SBF1: variants seen among roughly 807,000 people sequenced by gnomAD.
The protein encoded by SBF1 is SET binding factor 1, also known as myotubularin-related protein 5.
A neutral mutation model predicts 215.8 loss-of-function variants in SBF1; 65 were observed. The observed-to-expected ratio is 0.30, with a 90% confidence interval of 0.25 to 0.37. SBF1 has a LOEUF of 0.37. Ranked by LOEUF, SBF1 falls within the 10% of genes least tolerant of loss-of-function variation. The pLI, the probability that SBF1 is intolerant of heterozygous loss-of-function variation, is 1.00. For missense variants in SBF1, 2,634 were observed against 2,667.8 expected (o/e 0.99, Z 0.28); for synonymous variants, 1,410 against 1,122.8 (o/e 1.26, Z -5.11).
rs754111011 is a variant in SBF1, at chr22:50,459,992, G to C, written c.3451C>G (p.Arg1151Gly). The change falls in exon 26 of 41, where the codon CGC becomes GGC. Residue 1151 changes from arginine to glycine, a missense_variant. Coordinates refer to ENST00000380817, the MANE Select transcript of SBF1 (RefSeq NM_002972.4). ...SLSRAKSEPF[R>G]ISPVNRMYAI... ...TACATGCGGTTGACCGGAGAAATGC[G>C]GAAGGGCTCAGACTTGGCCCGGCTC... is the stretch of plus-strand genomic sequence containing the variant. The C allele has an allele frequency of 1.3e-5, 21 of 1,613,962 alleles. No individual in the cohort carries two copies. Among genetic ancestry groups the C allele is most frequent in the Non-Finnish European group, 1.8e-5 (21 of 1,179,966 alleles).
intron 23 of SBF1, 140 bp downstream of exon 23, chr22:50,461,017 CAG>C: frequency 8.7e-7 from 1 of 1,151,432 alleles, no homozygotes; most frequent in Non-Finnish European, 1.2e-6. Flanking sequence ...TCAAGAGCCA[CAG>C]TGAGGGCCCC....
chr22:50,455,083 G>A lies in SBF1; in HGVS notation c.4614C>T (p.Gly1538=), dbSNP rs770902093. ...EFSQFYLKFL[G]YHHVSRRFRT... is the part of the protein sequence containing the mutation. ...GGAAACGGCGGGACACATGGTGGTA[G>A]CCGAGGAACTTGAGGTAGAACTGGC... is the stretch of plus-strand genomic sequence containing the variant. The change falls in exon 34 of 41, where the codon GGC becomes GGT. Residue 1538 remains glycine (G), a synonymous_variant. Transcript: ENST00000380817. 2.5e-6 allele frequency: 4 copies of A among 1,614,112 alleles called. No individual in the cohort carries two copies. In the South Asian group the frequency reaches 4.4e-5, roughly 18 times the overall value.
chr22:50,453,009 G>A (rs1603430862), intron 36 of SBF1, among the ~76,000 whole-genome samples: 1 of 151,724 alleles, frequency 6.6e-6, no homozygotes, highest in Non-Finnish European at 1.5e-5. Flanking sequence ...AAATCAAAGG[G>A]ACAAAGAGAA....
At chr22:50,474,410 A>G (rs996826668) in intron 1 of SBF1, among the ~76,000 whole-genome samples, 48 of 152,306 alleles carry the variant, frequency 3.2e-4, no homozygotes, top group African/African-American at 1.1e-3. Flanking sequence ...CAGCTGGCCA[A>G]GGAGAGAGCC....
At position 50,462,251 on chromosome 22, in the gene SBF1, C is replaced by T. The variant is rs368432657; in HGVS notation, c.2350G>A (p.Gly784Arg). 188 of 1,609,908 alleles carry T rather than the reference C, an allele frequency of 1.2e-4. No homozygotes were observed. Among genetic ancestry groups the T allele is most frequent in the African/African-American group, 1.7e-4 (13 of 75,066 alleles). The change falls in exon 19 of 41, where the codon GGG (glycine) becomes AGG (arginine). Residue 784 changes from glycine (G) to arginine (R), a missense_variant. Gly to Arg is a moderately radical substitution (Grantham distance 125). Transcript: ENST00000380817. ...SKSRLLRERAGLGDLESASNS... is the reference protein window; with the variant it reads ...SKSRLLRERARLGDLESASNS... ...CTGGCGCTCTCCAGGTCGCCCAGCC[C>T]GGCACGCTCCCGAAGTAGGCGGCTC...
chr22:50,468,104 C>T (rs1245324484), intron 2 of SBF1, among the ~76,000 whole-genome samples, 181 bp from the exon 3 acceptor site: 1 of 152,200 alleles, frequency 6.6e-6, no homozygotes, highest in African/African-American at 2.4e-5. Flanking sequence ...AAGGGAGTAA[C>T]AGCCTCTGAC....
chr22:50,473,105 G>A (rs1285879756), intron 1 of SBF1, among the ~76,000 whole-genome samples: 1 of 151,228 alleles, frequency 6.6e-6, no homozygotes, highest in Admixed American at 6.6e-5. Flanking sequence ...AGCCCACTCT[G>A]CCTCTTCTCT....
chr22:50,451,239 G>A (rs1290439339), intron 36 of SBF1, among the ~76,000 whole-genome samples: 1 of 151,220 alleles, frequency 6.6e-6, no homozygotes, highest in Non-Finnish European at 1.5e-5. Flanking sequence ...AACTCAAGAG[G>A]CTGAATGAAG....
Position 50,474,921 on chromosome 22 carries a change from G to A in SBF1, c.-81C>T, listed in dbSNP as rs2148622731. The A allele has an allele frequency of 6.6e-6, 7 of 1,068,468 alleles. No individual in the cohort carries two copies. The highest frequency in any genetic ancestry group is 4.2e-5 in the East Asian group (1 of 23,736). 66.2% of individuals were successfully genotyped at this position (1,068,468 alleles called of 1,614,324 possible). A position where few individuals can be genotyped will look rare whatever the true frequency, so the allele number is the denominator to read the frequency against. On this transcript the variant is annotated 5_prime_UTR_variant, in exon 1 of 41. Transcript: ENST00000380817. ...TCGAGGACGGCGCGCTCATGGCCCG[G>A]CCCCGGCCCTGGACCGCGCACCCCG...
intron 1 of SBF1, among the ~76,000 whole-genome samples, chr22:50,471,008 C>T (rs1024811522): frequency 6.6e-6 from 1 of 152,172 alleles, no homozygotes; most frequent in African/African-American, 2.4e-5. Context: ...TCCCAGGGTC[C>T]CCCACCCACT....
chr22:50,447,205 G>A lies in SBF1; in HGVS notation c.5619C>T (p.Ala1873=), dbSNP rs1603430165. ...ACTGCTGGGCCGAGGGCACGTCCTG[G>A]GCACAGAAGTTGTAAACGCGACGCG... ...KTTRRVYNFC[A]QDVPSAQQWV... Residue 1873 remains alanine (A), a synonymous_variant, in exon 41 of 41, where the codon GCC becomes GCT. Transcript: ENST00000380817. 1.2e-6 allele frequency: 2 copies of A among 1,613,878 alleles called. No individual in the cohort carries two copies. Among genetic ancestry groups the A allele is most frequent in the East Asian group, 2.2e-5 (1 of 44,876 alleles).
At position 50,456,264 on chromosome 22, in the gene SBF1, G is replaced by A. The variant is rs773823809; in HGVS notation, c.4218C>T (p.Ser1406=). 6.2e-6 allele frequency: 10 copies of A among 1,612,674 alleles called. No individual in the cohort carries two copies. The highest frequency in any genetic ancestry group is 8.5e-6 in the Non-Finnish European group (10 of 1,179,944). The change falls in exon 31 of 41, where the codon AGC becomes AGT. Residue 1406 remains serine (S), a synonymous_variant. Transcript: ENST00000380817. ...CVPGCPAAEP[S]PASFLRSLED... Reference sequence around the variant, plus strand: ...CCAGTGAGCGCAGGAAGGAGGCTGGGCTGGGCTCAGCAGCGGGGCAGCCTG... The same window carrying A: ...CCAGTGAGCGCAGGAAGGAGGCTGGACTGGGCTCAGCAGCGGGGCAGCCTG...
chr22:50,464,950 T>C (rs757540533), intron 12 of SBF1, 33 bp from the exon 13 acceptor site: 1 of 1,613,248 alleles, frequency 6.2e-7, no homozygotes, highest in South Asian at 1.1e-5. Flanking sequence ...AGGTAAGCCA[T>C]GGTCAGGCGG....
In SBF1 at chr22:50,466,340, C is replaced by A. The variant is rs372317099; in HGVS notation, c.788+10G>T. 2 of 1,582,892 alleles carry A rather than the reference C, an allele frequency of 1.3e-6. No individual in the cohort carries two copies. Among genetic ancestry groups the A allele is most frequent in the Non-Finnish European group, 1.7e-6 (2 of 1,164,432 alleles). ...AGGAGAAGGGGCTGGGAGGGCCGGG[C>A]AGGGGTCACCTGTATCTGAGAGGAA... is the stretch of plus-strand genomic sequence containing the variant. On this transcript the variant is annotated intron_variant, in intron 7 of 40. Transcript: ENST00000380817.
chr22:50,469,640 C>A (rs962594249), intron 1 of SBF1, among the ~76,000 whole-genome samples: 3 of 152,198 alleles, frequency 2.0e-5, no homozygotes, highest in Non-Finnish European at 4.4e-5. Context: ...CAGGGCCCAT[C>A]CTCTGTCTGG....
chr22:50,474,526 G>C (rs371782353), intron 1 of SBF1, among the ~76,000 whole-genome samples: 2 of 152,114 alleles, frequency 1.3e-5, no homozygotes, highest in Non-Finnish European at 2.9e-5. Flanking sequence ...TTCTCCCCAC[G>C]GGCTGTCCGG....
chr22:50,463,468 C>T, intron 15 of SBF1, 36 bp from the exon 16 acceptor site: 1 of 1,519,772 alleles, frequency 6.6e-7, no homozygotes, highest in Non-Finnish European at 8.9e-7. Context: ...GCTGAGGGCA[C>T]AGAGAAGACC....
At chr22:50,449,654 A>ACACACACACC (rs994153795) in intron 36 of SBF1, among the ~76,000 whole-genome samples, 1 of 148,870 alleles carries the variant, frequency 6.7e-6, no homozygotes, top group East Asian at 1.9e-4. Context: ...ACACACACAC[A>ACACACACACC]CACCCCAAAA....
In SBF1 at chr22:50,474,801, C is replaced by T. The variant is rs1165737196; in HGVS notation, c.40G>A (p.Gly14Arg). 6.9e-7 allele frequency: 1 copy of T among 1,459,134 alleles called. No individual in the cohort carries two copies. Among genetic ancestry groups the T allele is most frequent in the Admixed American group, 2.4e-5 (1 of 42,106 alleles). The allele number at this position is 1,459,134 out of a possible 1,614,324, so 90.4% of individuals were successfully genotyped here. ...LADYFVLVAF[G>R]PHPRGSGEGQ... ...CGGCACTCACCGCGCGGGTGCGGCC[C>T]GAACGCCACCAGCACGAAGTAGTCC... The change falls in exon 1 of 41, where the codon GGG becomes AGG. Residue 14 changes from glycine to arginine, a missense_variant. By Grantham distance (125) the Gly-to-Arg change is moderately radical. Coordinates refer to ENST00000380817, the MANE Select transcript of SBF1 (RefSeq NM_002972.4).
Sources: gnomAD v4.1 joint callset for allele counts (sites outside exome capture counted in the v4.1 genomes callset) on GRCh38, gnomAD v4.1.1 for gene constraint, MANE v1.5 for transcripts, NCBI Gene and HGNC (gene_info 2026-07-23, HGNC 2026-07-21) for gene names.